PARD3B: variants seen among roughly 807,000 people sequenced by gnomAD.
PARD3B encodes par-3 family cell polarity regulator beta.
In PARD3B, 103 loss-of-function variants were observed where a neutral mutation model predicts 130.2. The ratio of observed to expected loss-of-function variants is 0.79; its 90% CI spans 0.67 to 0.93. PARD3B has a LOEUF of 0.93. Ranked by LOEUF, PARD3B falls within the 40% of genes least tolerant of loss-of-function variation. PARD3B has a pLI of 0.00. For synonymous variants in PARD3B, 583 were observed against 553.2 expected, an observed-to-expected ratio of 1.05 and a Z score of -0.76; for missense variants, 1,609 against 1,499.2, an observed-to-expected ratio of 1.07 and a Z score of -1.21.
Position 205,572,289 on chromosome 2 carries a change from G to A in PARD3B, c.3260+18886G>A, listed in dbSNP as rs560971123. On this transcript the variant is annotated intron_variant, in intron 22 of 22. Transcript: ENST00000406610. This position sits in a 1 kb window ranked among gnomAD's most constrained non-coding sequence, Gnocchi z 4.2. Reference sequence around the variant, plus strand: ...GTGCTAAAATTTTATATGCATAAATGGAATTTGAAGAAGTGGCAAGATGTG... The same window carrying A: ...GTGCTAAAATTTTATATGCATAAATAGAATTTGAAGAAGTGGCAAGATGTG... Among the ~76,000 whole-genome samples, 1 of 152,284 alleles carries A rather than the reference G, an allele frequency of 6.6e-6. No individual in the cohort carries two copies. The highest frequency in any genetic ancestry group is 2.1e-4 in the South Asian group (1 of 4,824).
rs556932926 is a variant in PARD3B, at chr2:205,557,929, C to G, written c.3260+4526C>G. ...GCCTACTATCATAGATGCACAACTTCAGGGGCACAGTTTGCCAGGATCCCC... is the reference window on the plus strand; with the variant it reads ...GCCTACTATCATAGATGCACAACTTGAGGGGCACAGTTTGCCAGGATCCCC... On this transcript the variant is annotated intron_variant, in intron 22 of 22. Transcript: ENST00000406610. 1.6e-4 allele frequency among the ~76,000 whole-genome samples: 25 copies of G among 152,214 alleles called. No homozygotes were observed. The Middle Eastern group carries it at 0.01, about 62-fold the overall frequency.
intron 1 of PARD3B, among the ~76,000 whole-genome samples, chr2:204,555,218 C>A (rs998222456): frequency 2.0e-5 from 3 of 152,106 alleles, no homozygotes; most frequent in Admixed American, 6.5e-5. Flanking sequence ...GCTCTGAATG[C>A]CAGTTTGTTT....
chr2:205,490,270 C>G (rs939589521), intron 20 of PARD3B, among the ~76,000 whole-genome samples: 3 of 151,962 alleles, frequency 2.0e-5, no homozygotes, highest in Non-Finnish European at 4.4e-5. Flanking sequence ...CCACTCCCCC[C>G]ACCCCACAAC....
chr2:204,996,571 G>C (rs895643908), intron 3 of PARD3B, among the ~76,000 whole-genome samples: 2 of 151,682 alleles, frequency 1.3e-5, no homozygotes, highest in African/African-American at 2.4e-5. Context: ...GGAGCCTACA[G>C]AGGCAGGCAG....
rs2031225845 is a variant in PARD3B at position 205,125,113 on chromosome 2, A to G, written c.1306-496A>G. On this transcript the variant is annotated intron_variant, in intron 9 of 22. Transcript: ENST00000406610. This position sits in a 1 kb window ranked among gnomAD's most constrained non-coding sequence, Gnocchi z 4.0. ...TGTTCTAGATCATGAAAGAAGATGC[A>G]CCAAATGACTACTGTAGCTCCAAAT... Among the ~76,000 whole-genome samples, 1 of 152,228 alleles carries G rather than the reference A, an allele frequency of 6.6e-6. No homozygotes were observed. The highest frequency in any genetic ancestry group is 1.5e-5 in the Non-Finnish European group (1 of 68,034).
intron 2 of PARD3B, among the ~76,000 whole-genome samples, chr2:204,732,271 G>A (rs980388): frequency 0.79 from 120,033 of 151,890 alleles, 47,517 homozygotes; most frequent in Middle Eastern, 0.89. Context: ...CCTAGAACAC[G>A]CTTGGGAAAA....
chr2:204,753,666 G>A (rs945856639), intron 2 of PARD3B, among the ~76,000 whole-genome samples: 1 of 152,122 alleles, frequency 6.6e-6, no homozygotes, highest in Non-Finnish European at 1.5e-5. Context: ...AATGAGGAAA[G>A]TTGGGCTAAA....
In PARD3B at chr2:205,207,891, C is replaced by T. The variant is rs541168939; in HGVS notation, c.2140+14571C>T. On this transcript the variant is annotated intron_variant, in intron 15 of 22. Coordinates refer to ENST00000406610, the MANE Select transcript of PARD3B (RefSeq NM_001302769.2). ...TATGAGGCCAGCATCATTCTGATACCGAAGCCAGGCAGAGACACAACCAAA... is the reference window on the plus strand; with the variant it reads ...TATGAGGCCAGCATCATTCTGATACTGAAGCCAGGCAGAGACACAACCAAA... Among the ~76,000 whole-genome samples the T allele has an allele frequency of 3.0e-4, 37 of 121,460 alleles. 1 individual carries two copies. The highest frequency in any genetic ancestry group is 1.0e-3 in the African/African-American group (29 of 28,286). The allele number at this position is 121,460 out of a possible 152,430, so 79.7% of individuals were successfully genotyped here.
At chr2:205,003,847 G>A (rs1046985371) in intron 3 of PARD3B, among the ~76,000 whole-genome samples, 4 of 152,072 alleles carry the variant, frequency 2.6e-5, no homozygotes, top group African/African-American at 9.7e-5. Flanking sequence ...ATTTTTTTGT[G>A]TGCATCAGAT....
intron 21 of PARD3B, among the ~76,000 whole-genome samples, chr2:205,544,127 A>G (rs1259979314): frequency 1.3e-5 from 2 of 152,208 alleles, no homozygotes; most frequent in Non-Finnish European, 2.9e-5. Flanking sequence ...AACTGAATTT[A>G]GTAAGTACTA....
chr2:204,904,587 A>G (rs1559244960), intron 2 of PARD3B, among the ~76,000 whole-genome samples: 2 of 152,216 alleles, frequency 1.3e-5, no homozygotes, highest in Non-Finnish European at 2.9e-5. Context: ...TTAATTTTAA[A>G]CATCTTGTAG....
At chr2:204,608,549 A>G (rs1053038606) in intron 1 of PARD3B, among the ~76,000 whole-genome samples, 1 of 152,166 alleles carries the variant, frequency 6.6e-6, no homozygotes, top group African/African-American at 2.4e-5. Context: ...AGGAGACAGG[A>G]TCAGGGTGTG....
intron 15 of PARD3B, among the ~76,000 whole-genome samples, chr2:205,239,586 T>C (rs919729242): frequency 6.6e-6 from 1 of 152,182 alleles, no homozygotes; most frequent in African/African-American, 2.4e-5. Flanking sequence ...TGTAAGAACA[T>C]ATGAAAAGTA....
rs201962400 is a variant in PARD3B, at chr2:205,493,713, CATTTATGTATGTATTTATTTATTT to C, written c.3045-6176_3045-6153del. On this transcript the variant is annotated intron_variant, in intron 20 of 22. Transcript: ENST00000406610. ...ACAGGCTATAAAAGCCATTTCTTTTCATTTATGTATGTATTTATTTATTTATTTATTTATTTATTTATTTATTTA... is the reference window on the plus strand; with the variant it reads ...ACAGGCTATAAAAGCCATTTCTTTTCATTTATTTATTTATTTATTTATTTA... Among the ~76,000 whole-genome samples the C allele has an allele frequency of 7.5e-3, 1,095 of 146,900 alleles. 37 individuals are homozygous for C. The South Asian group carries it at 0.091, about 12-fold the overall frequency.
intron 22 of PARD3B, among the ~76,000 whole-genome samples, chr2:205,604,340 A>G (rs1013678389): frequency 6.6e-6 from 1 of 152,188 alleles, no homozygotes; most frequent in African/African-American, 2.4e-5. Flanking sequence ...GGAGCAAGTC[A>G]TGTCTTACAT....
chr2:204,785,711 A>G (rs912540431), intron 2 of PARD3B, among the ~76,000 whole-genome samples: 1 of 152,194 alleles, frequency 6.6e-6, no homozygotes, highest in African/African-American at 2.4e-5. Context: ...GCACTCAAGA[A>G]ATAGAAATGT....
intron 2 of PARD3B, among the ~76,000 whole-genome samples, chr2:204,743,920 G>A (rs1268081959): frequency 1.3e-5 from 2 of 152,072 alleles, no homozygotes; most frequent in Non-Finnish European, 2.9e-5. Flanking sequence ...TCTTTGGTTG[G>A]TTCTAATAAC....
chr2:205,212,127 G>C (rs1182120029), intron 15 of PARD3B, among the ~76,000 whole-genome samples: 1 of 151,962 alleles, frequency 6.6e-6, no homozygotes, highest in Non-Finnish European at 1.5e-5. Context: ...TCTCACTTGA[G>C]GCTAATAGTA....
rs559433029 is a variant in PARD3B at position 205,206,204 on chromosome 2, CT to C, written c.2140+12895del. ...CATATTTAAATGAAATTCTGTGTTC[CT>C]TTTTTTTTTTCTTTTTTTTTTTTAT... is the stretch of plus-strand genomic sequence containing the variant. On this transcript the variant is annotated intron_variant, in intron 15 of 22. Transcript: ENST00000406610. Among the ~76,000 whole-genome samples, 1,013 of 131,554 alleles carry C rather than the reference CT, an allele frequency of 7.7e-3. 2 individuals are homozygous for C. The highest frequency in any genetic ancestry group is 0.031 in the South Asian group (130 of 4,152). The allele number at this position is 131,554 out of a possible 152,430, so 86.3% of individuals were successfully genotyped here.
Sources: allele counts gnomAD v4.1 joint callset (sites outside exome capture counted in the v4.1 genomes callset), GRCh38; gene constraint gnomAD v4.1.1; non-coding constraint Gnocchi (gnomAD v3.1); transcripts MANE v1.5; gene names NCBI Gene and HGNC (gene_info 2026-07-23, HGNC 2026-07-21).